FYB1: variants seen among roughly 807,000 people sequenced by gnomAD.
FYB1 encodes FYN-binding protein 1.
Under a neutral mutation model 94.1 loss-of-function variants are expected in FYB1, and 41 were observed. That is an observed-to-expected ratio of 0.44 (90% CI 0.34 to 0.57). The LOEUF (loss-of-function observed/expected upper bound fraction) is 0.57, where lower values mean the gene tolerates loss of function less well. FYB1 is among the 20% of genes least tolerant of loss of function. The probability of loss-of-function intolerance (pLI) is 0.02; values close to 1 mark genes in which losing one functional copy is unlikely to be tolerated. For synonymous variants in FYB1, 367 were observed against 353.2 expected (o/e 1.04, Z -0.44); for missense variants, 1,050 against 976.8 (o/e 1.07, Z -1.00).
intron 1 of FYB1, among the ~76,000 whole-genome samples, chr5:39,214,817 T>A (rs969070535): frequency 6.6e-6 from 1 of 152,082 alleles, no homozygotes; most frequent in Non-Finnish European, 1.5e-5. Flanking sequence ...AATCCCAGGT[T>A]ACTTGGGAGG....
intron 11 of FYB1, among the ~76,000 whole-genome samples, chr5:39,126,695 C>CAAAAAAAA (rs1272438775): frequency 3.4e-5 from 1 of 29,024 alleles, no homozygotes; most frequent in African/African-American, 1.3e-4. Context: ...GACCTGGTCT[C>CAAAAAAAA]AAAAAAAAAA....
At chr5:39,115,078 A>G (rs1470016917) in intron 16 of FYB1, among the ~76,000 whole-genome samples, 2 of 149,780 alleles carry the variant, frequency 1.3e-5, no homozygotes, top group African/African-American at 4.9e-5. Context: ...ATAAAGTAGC[A>G]TAGTAGGATG....
chr5:39,196,134 A>G (rs185341949), intron 2 of FYB1, among the ~76,000 whole-genome samples: 27 of 152,250 alleles, frequency 1.8e-4, no homozygotes, highest in Admixed American at 1.5e-3. Flanking sequence ...AACAATTGCT[A>G]AGCTATAGAG....
At chr5:39,187,033 T>C (rs1465075842) in intron 2 of FYB1, among the ~76,000 whole-genome samples, 1 of 152,184 alleles carries the variant, frequency 6.6e-6, no homozygotes, top group Non-Finnish European at 1.5e-5. Flanking sequence ...AAAAAAATGA[T>C]TGTGAAAACT....
chr5:39,127,199 AATT>A (rs1368558588), intron 11 of FYB1, among the ~76,000 whole-genome samples: 2 of 151,392 alleles, frequency 1.3e-5, no homozygotes, highest in South Asian at 2.1e-4. Flanking sequence ...ATGAACAGAT[AATT>A]ATTATTAAGT....
At chr5:39,123,254 T>C (rs866721669) in intron 13 of FYB1, among the ~76,000 whole-genome samples, 3 of 152,292 alleles carry the variant, frequency 2.0e-5, no homozygotes, top group African/African-American at 7.2e-5. Flanking sequence ...CTCTATGTCC[T>C]CCACCCTCGT....
chr5:39,215,380 A>T (rs1045227222), intron 1 of FYB1, among the ~76,000 whole-genome samples: 3 of 152,232 alleles, frequency 2.0e-5, no homozygotes, highest in African/African-American at 7.2e-5. Flanking sequence ...AGGGTAAATA[A>T]AAATATTTTG....
chr5:39,241,076 C>G (rs1490063720), intron 1 of FYB1, among the ~76,000 whole-genome samples: 1 of 152,076 alleles, frequency 6.6e-6, no homozygotes, highest in Admixed American at 6.6e-5. Context: ...AACAGAAAAC[C>G]AAATACTGCA....
At chr5:39,169,946 G>A (rs1745096593) in intron 2 of FYB1, 3 of 644,096 alleles carry the variant, frequency 4.7e-6, no homozygotes, top group South Asian at 4.4e-5. Context: ...GAACTATTAA[G>A]GAAATTAAAG....
intron 1 of FYB1, among the ~76,000 whole-genome samples, chr5:39,213,675 TGTGG>T (rs1749614272): frequency 6.6e-6 from 1 of 152,106 alleles, no homozygotes; most frequent in Non-Finnish European, 1.5e-5. Flanking sequence ...TGTGTGTTGG[TGTGG>T]GGGTGAGGTG....
intron 1 of FYB1, among the ~76,000 whole-genome samples, chr5:39,233,823 A>G (rs1429173214): frequency 6.6e-6 from 1 of 152,182 alleles, no homozygotes; most frequent in Non-Finnish European, 1.5e-5. Context: ...TAGCCTTTTC[A>G]GATAATTATG....
intron 16 of FYB1, 31 bp downstream of exon 16, chr5:39,118,843 T>C (rs774930736): frequency 2.2e-6 from 3 of 1,344,566 alleles, no homozygotes; most frequent in Non-Finnish European, 3.0e-6. Flanking sequence ...GACATATATA[T>C]GCACATATTA....
At chr5:39,229,279 G>C (rs980653388) in intron 1 of FYB1, among the ~76,000 whole-genome samples, 2 of 152,148 alleles carry the variant, frequency 1.3e-5, no homozygotes, top group Non-Finnish European at 2.9e-5. Context: ...TTCCCCAGTA[G>C]AGAAGTGCAG....
chr5:39,223,704 A>G (rs941929407), upstream of FYB1, among the ~76,000 whole-genome samples: 1 of 152,200 alleles, frequency 6.6e-6, no homozygotes, highest in African/African-American at 2.4e-5. Flanking sequence ...CGTAAAAACT[A>G]GGTTTCCACT....
At chr5:39,124,362 G>A in intron 12 of FYB1, 84 bp from the exon 13 acceptor site, 1 of 867,812 alleles carries the variant, frequency 1.2e-6, no homozygotes. Context: ...GTATAAAGGG[G>A]CAATAGCCTA....
Position 39,135,030 on chromosome 5 carries a change from A to C in FYB1, c.1516-16T>G, listed in dbSNP as rs758106992. The C allele has an allele frequency of 6.2e-7, 1 of 1,609,228 alleles. No individual in the cohort carries two copies. Among genetic ancestry groups the C allele is most frequent in the African/African-American group, 1.3e-5 (1 of 74,758 alleles). ...GGCCTGTTAGCTGCAAAGAGAAAAA[A>C]ATAGTCACAAAAGATTTCCTTATAA... is the stretch of plus-strand genomic sequence containing the variant. On this transcript the variant is annotated splice_polypyrimidine_tract_variant and intron_variant, in intron 7 of 18. Coordinates refer to ENST00000512982, the MANE Select transcript of FYB1 (RefSeq NM_001465.6).
chr5:39,272,347 G>T (rs1752689012), intron 1 of FYB1, among the ~76,000 whole-genome samples: 1 of 152,096 alleles, frequency 6.6e-6, no homozygotes, highest in South Asian at 2.1e-4. Context: ...TAATCAACAT[G>T]TTTACCCCAT....
intron 2 of FYB1, among the ~76,000 whole-genome samples, chr5:39,180,087 G>A (rs868849676): frequency 6.6e-5 from 10 of 152,302 alleles, no homozygotes; most frequent in Middle Eastern, 6.8e-3. Flanking sequence ...GAACAGAGAC[G>A]TAACTGTCTC....
chr5:39,203,619 G>A lies in FYB1; in HGVS notation c.-27-632C>T, dbSNP rs1748580839. On this transcript the variant is annotated intron_variant, in intron 1 of 18. Coordinates refer to ENST00000512982, the MANE Select transcript of FYB1 (RefSeq NM_001465.6). ...TCTTCTCCTTATTTGTAATTATTTA[G>A]CACTAAAGATTCACCTGTATCCATA... Among the ~76,000 whole-genome samples, 4 of 151,884 alleles carry A rather than the reference G, an allele frequency of 2.6e-5. No homozygotes were observed. In the South Asian group the frequency reaches 8.3e-4, roughly 31 times the overall value.
Sources: allele counts gnomAD v4.1 joint callset (sites outside exome capture counted in the v4.1 genomes callset), GRCh38; gene constraint gnomAD v4.1.1; transcripts MANE v1.5; gene names NCBI Gene and HGNC (gene_info 2026-07-23, HGNC 2026-07-21).